The following SNX3 variants were observed in gnomAD, a reference collection of about 807,000 sequenced individuals.
SNX3 encodes sorting nexin-3.
In SNX3, 5 loss-of-function variants were observed where a neutral mutation model predicts 17.7. The observed-to-expected ratio is 0.28, with a 90% CI of 0.15 to 0.59. The LOEUF (loss-of-function observed/expected upper bound fraction) is 0.59. SNX3 is among the 20% of genes least tolerant of loss of function. The pLI, the probability that SNX3 is intolerant of heterozygous loss-of-function variation, is 0.88. For missense variants in SNX3, 132 were observed against 206.8 expected, an observed-to-expected ratio of 0.64 and a Z score of 2.22; for synonymous variants, 91 against 76.5, an observed-to-expected ratio of 1.19 and a Z score of -0.99.
intron 2 of SNX3, among the ~76,000 whole-genome samples, chr6:108,218,586 A>G (rs1488042502): frequency 6.6e-6 from 1 of 152,264 alleles, no homozygotes; most frequent in African/African-American, 2.4e-5. Context: ...CAGCAGCACT[A>G]CCAATAACAG....
At chr6:108,246,430 T>G (rs368888668) in intron 1 of SNX3, among the ~76,000 whole-genome samples, 2 of 149,730 alleles carry the variant, frequency 1.3e-5, no homozygotes, top group Admixed American at 1.3e-4. Context: ...GTTCAAGTGA[T>G]TCTCCTGCCT....
rs568094283 is a variant in SNX3 at position 108,238,983 on chromosome 6, C to T, written c.163-15938G>A. Among the ~76,000 whole-genome samples the T allele has an allele frequency of 8.9e-4, 135 of 151,948 alleles. 2 individuals are homozygous for T. Among genetic ancestry groups the T allele is most frequent in the African/African-American group, 3.1e-3 (129 of 41,452 alleles). ...ATGTGCAATCTCGGTTCACTCAAAC[C>T]TCCACCTCCTAGGTTCAAGCGATTT... On this transcript the variant is annotated intron_variant, in intron 1 of 3. Coordinates refer to ENST00000230085, the MANE Select transcript of SNX3 (RefSeq NM_003795.6).
chr6:108,248,829 T>C (rs1775766644), intron 1 of SNX3, among the ~76,000 whole-genome samples: 1 of 151,942 alleles, frequency 6.6e-6, no homozygotes, highest in Non-Finnish European at 1.5e-5. Flanking sequence ...GGTACCATTA[T>C]AGCTCACTGC....
At chr6:108,249,510 T>C (rs1775787537) in intron 1 of SNX3, among the ~76,000 whole-genome samples, 1 of 152,210 alleles carries the variant, frequency 6.6e-6, no homozygotes, top group Non-Finnish European at 1.5e-5. Context: ...GTCAATTTTG[T>C]TTGGCATCAT....
intron 1 of SNX3, among the ~76,000 whole-genome samples, chr6:108,224,728 A>G (rs847610): frequency 0.22 from 33,596 of 152,200 alleles, 6,351 homozygotes; most frequent in African/African-American, 0.51. Flanking sequence ...TACAGTGTCT[A>G]TGGGTCTTAC....
At chr6:108,235,692 T>C (rs1159835242) in intron 1 of SNX3, among the ~76,000 whole-genome samples, 1 of 152,096 alleles carries the variant, frequency 6.6e-6, no homozygotes, top group African/African-American at 2.4e-5. Flanking sequence ...GGTCAGGAGA[T>C]CACGACTAGC....
intron 2 of SNX3, among the ~76,000 whole-genome samples, chr6:108,222,009 G>C (rs1016838459): frequency 6.6e-6 from 1 of 151,932 alleles, no homozygotes; most frequent in East Asian, 1.9e-4. Flanking sequence ...CTCCTGACTC[G>C]GCCTACCAAA....
Position 108,211,324 on chromosome 6 carries a change from T to C in SNX3, c.*825A>G, listed in dbSNP as rs946865221. 1 of 152,254 alleles carries C rather than the reference T, an allele frequency of 6.6e-6. No individual in the cohort carries two copies. The highest frequency in any genetic ancestry group is 2.4e-5 in the African/African-American group (1 of 41,474). 9.4% of individuals were successfully genotyped at this position (152,254 alleles called of 1,614,324 possible). A position where few individuals can be genotyped will look rare whatever the true frequency, so the allele number is the denominator to read the frequency against. On this transcript the variant is annotated 3_prime_UTR_variant, in exon 4 of 4. Coordinates refer to ENST00000230085, the MANE Select transcript of SNX3 (RefSeq NM_003795.6). ...AATAAGCCTTAAGCAATACATTTTT[T>C]AGTATATCACTTTTGTTGTTGTTAA...
At chr6:108,234,082 A>G (rs1461261691) in intron 1 of SNX3, among the ~76,000 whole-genome samples, 1 of 152,114 alleles carries the variant, frequency 6.6e-6, no homozygotes, top group Non-Finnish European at 1.5e-5. Flanking sequence ...TTTACAGTGT[A>G]AAGAGGGGGT....
chr6:108,243,173 G>A (rs766103139), intron 1 of SNX3, among the ~76,000 whole-genome samples: 1 of 152,066 alleles, frequency 6.6e-6, no homozygotes, highest in African/African-American at 2.4e-5. Flanking sequence ...CATGATCACA[G>A]CACACTGCAG....
intron 3 of SNX3, 84 bp downstream of exon 3, chr6:108,214,414 G>GC: frequency 7.5e-7 from 1 of 1,334,346 alleles, no homozygotes. Flanking sequence ...GAAAGAAAAG[G>GC]CAACAGTGCA....
At chr6:108,232,519 G>A (rs1011746845) in intron 1 of SNX3, among the ~76,000 whole-genome samples, 4 of 152,096 alleles carry the variant, frequency 2.6e-5, no homozygotes, top group African/African-American at 4.8e-5. Flanking sequence ...GATTATCACT[G>A]ATAGCCAAGC....
At chr6:108,226,918 C>T (rs1030512294) in intron 1 of SNX3, among the ~76,000 whole-genome samples, 4 of 152,136 alleles carry the variant, frequency 2.6e-5, no homozygotes, top group Non-Finnish European at 5.9e-5. Context: ...TCCCAGGTAA[C>T]CACAACATTT....
At chr6:108,219,840 A>G (rs908668190) in intron 2 of SNX3, among the ~76,000 whole-genome samples, 5 of 152,222 alleles carry the variant, frequency 3.3e-5, no homozygotes, top group Non-Finnish European at 7.4e-5. Context: ...TATACACTGC[A>G]TAACAGTGTT....
intron 3 of SNX3, 90 bp from the exon 4 acceptor site, chr6:108,212,344 A>ATTT: frequency 1.8e-5 from 13 of 713,332 alleles, no homozygotes; most frequent in Admixed American, 1.0e-4. Flanking sequence ...AGCATGTATA[A>ATTT]TTTTTTTTTT....
intron 1 of SNX3, among the ~76,000 whole-genome samples, chr6:108,256,231 G>A (rs1776024068): frequency 1.3e-5 from 2 of 151,870 alleles, no homozygotes; most frequent in South Asian, 2.1e-4. Flanking sequence ...ACCCTGTCTC[G>A]AAAAAATAAA....
rs531421228 is a variant in SNX3, at chr6:108,258,941, G to A, written c.162+1819C>T. 2.6e-5 allele frequency among the ~76,000 whole-genome samples: 4 copies of A among 152,278 alleles called. No individual in the cohort carries two copies. In the East Asian group the frequency reaches 7.7e-4, roughly 29 times the overall value. On this transcript the variant is annotated intron_variant, in intron 1 of 3. Coordinates refer to ENST00000230085, the MANE Select transcript of SNX3 (RefSeq NM_003795.6). ...TCAGCAAGATAAACTCAAAGTAAGT[G>A]GAGGAAGTGTAGGCAGGAGATTCCA...
At chr6:108,218,537 G>A (rs1774657006) in intron 2 of SNX3, among the ~76,000 whole-genome samples, 1 of 152,190 alleles carries the variant, frequency 6.6e-6, no homozygotes, top group Non-Finnish European at 1.5e-5. Context: ...GAAAAGAAAT[G>A]AAAACACATG....
chr6:108,237,456 G>A (rs1775385483), intron 1 of SNX3, among the ~76,000 whole-genome samples: 2 of 152,232 alleles, frequency 1.3e-5, no homozygotes, highest in East Asian at 3.9e-4. Context: ...ATGTTACTTA[G>A]AATGCTAATA....
Sources: gnomAD v4.1 joint callset for allele counts (sites outside exome capture counted in the v4.1 genomes callset) on GRCh38, gnomAD v4.1.1 for gene constraint, MANE v1.5 for transcripts, NCBI Gene and HGNC (gene_info 2026-07-23, HGNC 2026-07-21) for gene names.